SLC5A12: variants seen among roughly 807,000 people sequenced by gnomAD.
SLC5A12 encodes solute carrier family 5 member 12.
Under a neutral mutation model 72.7 loss-of-function variants are expected in SLC5A12, and 46 were observed. The observed-to-expected ratio is 0.63, with a 90% CI of 0.50 to 0.81. The LOEUF is 0.81. SLC5A12 is among the 30% of genes least tolerant of loss of function. The pLI is 0.00. For missense variants in SLC5A12, 683 were observed against 740.7 expected (o/e 0.92, Z 0.90); for synonymous variants, 275 against 264.4 (o/e 1.04, Z -0.39).
At position 26,686,476 on chromosome 11, in the gene SLC5A12, C is replaced by G; in HGVS notation, c.1221+1G>C. The G allele has an allele frequency of 1.2e-6, 2 of 1,613,622 alleles. No homozygotes were observed. The highest frequency in any genetic ancestry group is 1.7e-6 in the Non-Finnish European group (2 of 1,179,680). ...AATGTGTCTTTTCCTTCTTTCGTTA[C>G]CTGCACAACACCTCCCATGACAGAT... On this transcript the variant is annotated splice_donor_variant, in intron 10 of 14. Coordinates refer to ENST00000396005, the MANE Select transcript of SLC5A12 (RefSeq NM_178498.4). LOFTEE classifies it high-confidence loss of function.
Position 26,669,166 on chromosome 11 carries a change from T to TTTCTTTCTTC in SLC5A12, c.*1935_*1936insGAAGAAAGAA, listed in dbSNP as rs775214349. 9.7e-5 allele frequency: 13 copies of TTTCTTTCTTC among 133,470 alleles called. No individual in the cohort carries two copies. The highest frequency in any genetic ancestry group is 3.0e-4 in the African/African-American group (11 of 37,140). The allele number at this position is 133,470 out of a possible 1,614,324, so 8.3% of individuals were successfully genotyped here. On this transcript the variant is annotated 3_prime_UTR_variant, in exon 15 of 15. Coordinates refer to ENST00000396005, the MANE Select transcript of SLC5A12 (RefSeq NM_178498.4). ...CTGTCTCTCTCTTCCTCTTCCTGTC[T>TTTCTTTCTTC]TTTTCTTTCTTTCTTTCTTCTTTTC... is the stretch of plus-strand genomic sequence containing the variant.
At chr11:26,716,796 T>C (rs1855360569) in intron 1 of SLC5A12, among the ~76,000 whole-genome samples, 2 of 152,174 alleles carry the variant, frequency 1.3e-5, no homozygotes, top group Non-Finnish European at 2.9e-5. Context: ...ATTACTATCA[T>C]CTCTTGCTCA....
At chr11:26,718,911 G>T (rs1405842740) in intron 1 of SLC5A12, among the ~76,000 whole-genome samples, 1 of 152,048 alleles carries the variant, frequency 6.6e-6, no homozygotes, top group East Asian at 1.9e-4. Flanking sequence ...TCACTAAAAA[G>T]TTGAAAATAT....
At chr11:26,712,820 T>C in intron 1 of SLC5A12, 114 bp from the exon 2 acceptor site, 1 of 509,644 alleles carries the variant, frequency 2.0e-6, no homozygotes. Context: ...AATCTGATTT[T>C]ATGATATGTA....
At chr11:26,719,063 A>G (rs573124812) in intron 1 of SLC5A12, among the ~76,000 whole-genome samples, 1 of 152,300 alleles carries the variant, frequency 6.6e-6, no homozygotes, top group Non-Finnish European at 1.5e-5. Context: ...CAATTGGTTT[A>G]GTTGTTTTTG....
chr11:26,698,830 G>T (rs1043943891), intron 6 of SLC5A12, among the ~76,000 whole-genome samples: 2 of 151,956 alleles, frequency 1.3e-5, no homozygotes, highest in East Asian at 1.9e-4. Context: ...CTATTCTCTT[G>T]GATGAAATTT....
chr11:26,717,270 GA>G (rs1258769382), intron 1 of SLC5A12, among the ~76,000 whole-genome samples: 1 of 152,080 alleles, frequency 6.6e-6, no homozygotes, highest in African/African-American at 2.4e-5. Context: ...AAGAAAATTT[GA>G]AATTGAAGAG....
intron 9 of SLC5A12, among the ~76,000 whole-genome samples, chr11:26,690,646 T>TA (rs747754564): frequency 0.012 from 1,147 of 92,708 alleles, 11 homozygotes; most frequent in East Asian, 0.068. Flanking sequence ...CCACCTCTAC[T>TA]AAAAAAAAAA....
At chr11:26,706,817 T>G (rs1290023247) in intron 4 of SLC5A12, among the ~76,000 whole-genome samples, 4 of 150,230 alleles carry the variant, frequency 2.7e-5, no homozygotes, top group Non-Finnish European at 5.9e-5. Context: ...ATAATTATAA[T>G]TATTGATATA....
intron 13 of SLC5A12, among the ~76,000 whole-genome samples, chr11:26,674,414 G>A (rs1052974655): frequency 6.6e-6 from 1 of 150,864 alleles, no homozygotes; most frequent in African/African-American, 2.4e-5. Context: ...TTTGTTTTTT[G>A]TATGAGACAG....
rs1854079921 is a variant in SLC5A12 at position 26,669,207 on chromosome 11, C to CTTTCTTTCTTTCTTTCTTTCTTTCT, written c.*1894_*1895insAGAAAGAAAGAAAGAAAGAAAGAAA. 8.4e-6 allele frequency: 1 copy of CTTTCTTTCTTTCTTTCTTTCTTTCT among 119,436 alleles called. No homozygotes were observed. The highest frequency in any genetic ancestry group is 3.0e-5 in the African/African-American group (1 of 33,766). 7.4% of individuals were successfully genotyped at this position (119,436 alleles called of 1,614,324 possible). On this transcript the variant is annotated 3_prime_UTR_variant, in exon 15 of 15. Transcript: ENST00000396005. The stretch of plus-strand genomic sequence containing the variant: ...TCTTCTTTTCTTTCTTTCTTTCTTT[C>CTTTCTTTCTTTCTTTCTTTCTTTCT]TTTCTTTCTTTCTCTCTCTCCCTCC...
At position 26,721,531 on chromosome 11, in the gene SLC5A12, T is replaced by C. The variant is rs1436771186; in HGVS notation, c.184A>G (p.Met62Val). The change falls in exon 1 of 15, where the codon ATG (methionine) becomes GTG (valine). Residue 62 changes from methionine to valine, a missense_variant. Physicochemically the swap from Met to Val is conservative, Grantham distance 21 (BLOSUM62 1). Coordinates refer to ENST00000396005, the MANE Select transcript of SLC5A12 (RefSeq NM_178498.4). ...GTCCCCAGGACCGTGACAGCTGACA[T>C]GAAGCTGGCTGTCAGAGACAAGCCG... The part of the protein sequence containing the change: ...PVGLSLTASF[M>V]SAVTVLGTPS... 3 of 1,614,056 alleles carry C rather than the reference T, an allele frequency of 1.9e-6. No homozygotes were observed. The highest frequency in any genetic ancestry group is 1.3e-5 in the African/African-American group (1 of 75,014).
chr11:26,680,075 C>T (rs1358129734), intron 12 of SLC5A12, among the ~76,000 whole-genome samples: 1 of 151,402 alleles, frequency 6.6e-6, no homozygotes, highest in Non-Finnish European at 1.5e-5. Context: ...ATGCAATTTG[C>T]CACATTATCT....
At chr11:26,708,793 G>C (rs1216401798) in intron 4 of SLC5A12, among the ~76,000 whole-genome samples, 2 of 152,008 alleles carry the variant, frequency 1.3e-5, no homozygotes, top group African/African-American at 4.8e-5. Context: ...ATTAAAAACA[G>C]AGCATGTGTA....
rs537927851 is a variant in SLC5A12, at chr11:26,678,719, G to A, written c.1572C>T (p.Leu524=). The A allele has an allele frequency of 4.3e-6, 7 of 1,611,860 alleles. No homozygotes were observed. The highest frequency in any genetic ancestry group is 2.2e-5 in the East Asian group (1 of 44,794). ...GCIVAGVIIS[L]ITGRQRGEDI... ...GGAGGAATTATAACCAACCTGTTAT[G>A]AGGCTGATGATTACTCCAGCAACAA... The change falls in exon 13 of 15, where the codon CTC becomes CTT. Residue 524 remains leucine, a synonymous_variant. Transcript: ENST00000396005.
chr11:26,688,038 A>T (rs1008767622), intron 9 of SLC5A12, among the ~76,000 whole-genome samples: 1 of 152,192 alleles, frequency 6.6e-6, no homozygotes, highest in Non-Finnish European at 1.5e-5. Flanking sequence ...TTCAAATGAG[A>T]TTCTAGGCAG....
chr11:26,675,248 G>A (rs960143776), intron 13 of SLC5A12, among the ~76,000 whole-genome samples: 5 of 152,182 alleles, frequency 3.3e-5, no homozygotes, highest in Non-Finnish European at 5.9e-5. Flanking sequence ...AGAAGGACAG[G>A]ACTCTGCTTC....
At position 26,698,501 on chromosome 11, in the gene SLC5A12, T is replaced by TC. The variant is rs759308623; in HGVS notation, c.855_856insG (p.Ile286AspfsTer17). On this transcript the variant is annotated frameshift_variant, in exon 7 of 15. Transcript: ENST00000396005. LOFTEE classifies it high-confidence loss of function. ...CCAGAGAAGACAGCACACACCAGAA[T>TC]GATCCAGAGACCCAGCAAGTTAAAA... The TC allele has an allele frequency of 6.2e-7, 1 of 1,614,018 alleles. No individual in the cohort carries two copies. Among genetic ancestry groups the TC allele is most frequent in the Non-Finnish European group, 8.5e-7 (1 of 1,179,950 alleles).
At chr11:26,723,249 A>G (rs1472610615), upstream of SLC5A12, 1 of 152,612 alleles carries the variant, frequency 6.6e-6, no homozygotes, top group Non-Finnish European at 1.5e-5. Context: ...TTGCTTCATG[A>G]ATTTGAATTA....
Sources: gnomAD v4.1 joint callset for allele counts (sites outside exome capture counted in the v4.1 genomes callset) on GRCh38, gnomAD v4.1.1 for gene constraint, MANE v1.5 for transcripts, NCBI Gene and HGNC (gene_info 2026-07-23, HGNC 2026-07-21) for gene names.